The following ASB18 variants were observed in gnomAD, a reference collection of about 807,000 sequenced individuals.
The protein encoded by ASB18 is ankyrin repeat and SOCS box containing 18.
Under a neutral mutation model 33.4 loss-of-function variants are expected in ASB18, and 33 were observed. That is an observed-to-expected ratio of 0.99 (90% CI 0.75 to 1.32). ASB18 has a LOEUF of 1.32. Among genes scored for constraint, ASB18 ranks in the 40% most tolerant of loss-of-function variants. The pLI, the probability that ASB18 is intolerant of heterozygous loss-of-function variation, is 0.00. For missense variants in ASB18, 694 were observed against 655.5 expected (o/e 1.06, Z -0.64); for synonymous variants, 295 against 307.6 (o/e 0.96, Z 0.43).
chr2:236,229,505 C>A lies in ASB18; in HGVS notation c.596+8184G>T, dbSNP rs1439649850. Among the ~76,000 whole-genome samples, 1 of 152,000 alleles carries A rather than the reference C, an allele frequency of 6.6e-6. No individual in the cohort carries two copies. On this transcript the variant is annotated intron_variant, in intron 3 of 5. Coordinates refer to ENST00000409749, the MANE Select transcript of ASB18 (RefSeq NM_212556.4). The surrounding 1 kb of genome is among the most constrained non-coding windows in gnomAD (Gnocchi z 5.2). ...CCAAATTGGATGAAAAGCATATAAA[C>A]CCACAGATCCAAGATACTCAATGAA...
At position 236,263,219 on chromosome 2, in the gene ASB18, C is replaced by T; in HGVS notation, c.205+922G>A. On this transcript the variant is annotated intron_variant, in intron 1 of 5. Coordinates refer to ENST00000409749, the MANE Select transcript of ASB18 (RefSeq NM_212556.4). The surrounding 1 kb of genome is among the most constrained non-coding windows in gnomAD (Gnocchi z 4.0). Reference sequence around the variant, plus strand: ...AGGAAACCTAACAAAGGGATGATGTCTATGTTACGTGAAGAAGTCCTACAA... The same window carrying T: ...AGGAAACCTAACAAAGGGATGATGTTTATGTTACGTGAAGAAGTCCTACAA... Among the ~76,000 whole-genome samples the T allele has an allele frequency of 6.6e-6, 1 of 152,166 alleles. No homozygotes were observed. The highest frequency in any genetic ancestry group is 1.9e-4 in the East Asian group (1 of 5,184).
rs1350596663 is a variant in ASB18, at chr2:236,245,380, T to G, written c.206-3978A>C. ...ACAGATTCAGTTACCTTTCTCAAGA[T>G]TTCTGAATCCTGACATAGCCAGTGC... On this transcript the variant is annotated intron_variant, in intron 1 of 5. Coordinates refer to ENST00000409749, the MANE Select transcript of ASB18 (RefSeq NM_212556.4). The surrounding 1 kb of genome is among the most constrained non-coding windows in gnomAD (Gnocchi z 4.7). 1.3e-5 allele frequency among the ~76,000 whole-genome samples: 2 copies of G among 152,204 alleles called. No individual in the cohort carries two copies. The highest frequency in any genetic ancestry group is 4.1e-4 in the South Asian group (2 of 4,838).
At position 236,209,681 on chromosome 2, in the gene ASB18, C is replaced by G. The variant is rs540901204; in HGVS notation, c.1101+4681G>C. Among the ~76,000 whole-genome samples, 1 of 152,242 alleles carries G rather than the reference C, an allele frequency of 6.6e-6. No homozygotes were observed. The highest frequency in any genetic ancestry group is 1.5e-5 in the Non-Finnish European group (1 of 68,040). On this transcript the variant is annotated intron_variant, in intron 4 of 5. Coordinates refer to ENST00000409749, the MANE Select transcript of ASB18 (RefSeq NM_212556.4). This position sits in a 1 kb window ranked among gnomAD's most constrained non-coding sequence, Gnocchi z 4.4. ...AGCCCCCTACCTGGTGTGTTCTCTA[C>G]GTCGAGCTTAGAAATTCCAAAATAC...
In ASB18 at chr2:236,262,642, T is replaced by A. The variant is rs928110034; in HGVS notation, c.205+1499A>T. 1.3e-5 allele frequency among the ~76,000 whole-genome samples: 2 copies of A among 152,126 alleles called. No individual in the cohort carries two copies. The highest frequency in any genetic ancestry group is 1.3e-4 in the Admixed American group (2 of 15,272). On this transcript the variant is annotated intron_variant, in intron 1 of 5. Coordinates refer to ENST00000409749, the MANE Select transcript of ASB18 (RefSeq NM_212556.4). The surrounding 1 kb of genome is among the most constrained non-coding windows in gnomAD (Gnocchi z 5.2). Reference sequence around the variant, plus strand: ...GTGGGCCTAAAGGGTGAATGCAAGATGTACAGCTCAGCACTCCCAGTCCAA... The same window carrying A: ...GTGGGCCTAAAGGGTGAATGCAAGAAGTACAGCTCAGCACTCCCAGTCCAA...
chr2:236,264,091 A>G lies in ASB18; in HGVS notation c.205+50T>C, dbSNP rs2060734226. On this transcript the variant is annotated intron_variant, in intron 1 of 5. Transcript: ENST00000409749. The surrounding 1 kb of genome is among the most constrained non-coding windows in gnomAD (Gnocchi z 5.1). ...ACCTCCAGGATCTGCCCACCCCATC[A>G]GTGTAACTTAGTAATTAAATCCCAG... is the stretch of plus-strand genomic sequence containing the variant. 1 of 1,531,894 alleles carries G rather than the reference A, an allele frequency of 6.5e-7. No individual in the cohort carries two copies. The highest frequency in any genetic ancestry group is 9.0e-7 in the Non-Finnish European group (1 of 1,112,680). 94.9% of individuals were successfully genotyped at this position (1,531,894 alleles called of 1,614,324 possible).
rs2060516398 is a variant in ASB18, at chr2:236,222,259, A to G, written c.597-7393T>C. 6.6e-6 allele frequency among the ~76,000 whole-genome samples: 1 copy of G among 152,160 alleles called. No individual in the cohort carries two copies. Among genetic ancestry groups the G allele is most frequent in the Non-Finnish European group, 1.5e-5 (1 of 68,030 alleles). On this transcript the variant is annotated intron_variant, in intron 3 of 5. Coordinates refer to ENST00000409749, the MANE Select transcript of ASB18 (RefSeq NM_212556.4). This position sits in a 1 kb window ranked among gnomAD's most constrained non-coding sequence, Gnocchi z 5.5. ...TCCCGGGATGCTAAGCTATGAGACT[A>G]TCAGACATAAATGTTTACAATTGAA...
Position 236,226,166 on chromosome 2 carries a change from T to C in ASB18, c.597-11300A>G, listed in dbSNP as rs2060536586. ...AAACCTCAGGCCCTTTCGACATCTATTAACTTTTTATCCTTCAAGGTAGTT... is the reference window on the plus strand; with the variant it reads ...AAACCTCAGGCCCTTTCGACATCTACTAACTTTTTATCCTTCAAGGTAGTT... On this transcript the variant is annotated intron_variant, in intron 3 of 5. Coordinates refer to ENST00000409749, the MANE Select transcript of ASB18 (RefSeq NM_212556.4). This position sits in a 1 kb window ranked among gnomAD's most constrained non-coding sequence, Gnocchi z 4.8. Among the ~76,000 whole-genome samples, 1 of 152,196 alleles carries C rather than the reference T, an allele frequency of 6.6e-6. No individual in the cohort carries two copies. The highest frequency in any genetic ancestry group is 1.5e-5 in the Non-Finnish European group (1 of 68,038).
chr2:236,222,362 C>T lies in ASB18; in HGVS notation c.597-7496G>A, dbSNP rs572552675. Among the ~76,000 whole-genome samples the T allele has an allele frequency of 1.3e-5, 2 of 152,322 alleles. No individual in the cohort carries two copies. The highest frequency in any genetic ancestry group is 4.1e-4 in the South Asian group (2 of 4,824). The stretch of plus-strand genomic sequence containing the variant: ...GAAACTGGTTGGCCATTTCTATCAT[C>T]ACGGTTTCCCTTGGAGCAATGGCTG... On this transcript the variant is annotated intron_variant, in intron 3 of 5. Coordinates refer to ENST00000409749, the MANE Select transcript of ASB18 (RefSeq NM_212556.4). The surrounding 1 kb of genome is among the most constrained non-coding windows in gnomAD (Gnocchi z 5.5).
rs767807430 is a variant in ASB18 at position 236,222,136 on chromosome 2, C to G, written c.597-7270G>C. ...CAGCTCCACGACTTTGATGGAGGAG[C>G]GGTTCCACTTTATTTCCCTGGACCT... On this transcript the variant is annotated intron_variant, in intron 3 of 5. Transcript: ENST00000409749. This position sits in a 1 kb window ranked among gnomAD's most constrained non-coding sequence, Gnocchi z 5.5. Among the ~76,000 whole-genome samples, 1 of 152,188 alleles carries G rather than the reference C, an allele frequency of 6.6e-6. No homozygotes were observed. The highest frequency in any genetic ancestry group is 1.5e-5 in the Non-Finnish European group (1 of 68,034).
rs139016843 is a variant in ASB18 at position 236,243,794 on chromosome 2, G to T, written c.206-2392C>A. ...ATTTTATTGTCAAAAAATTAAATAA[G>T]CTCATTTTTTTCTTGTAACATAAAT... On this transcript the variant is annotated intron_variant, in intron 1 of 5. Transcript: ENST00000409749. Among the ~76,000 whole-genome samples the T allele has an allele frequency of 1.7e-3, 263 of 152,162 alleles. 1 individual carries two copies. The highest frequency in any genetic ancestry group is 6.2e-3 in the African/African-American group (257 of 41,522).
At chr2:236,224,185 G>GTTTTTTTTT (rs1161648778) in intron 3 of ASB18, among the ~76,000 whole-genome samples, 1 of 66,772 alleles carries the variant, frequency 1.5e-5, no homozygotes, top group Non-Finnish European at 2.5e-5. Flanking sequence ...GTGTTGTCAG[G>GTTTTTTTTT]TTTTTTTTTT....
intron 4 of ASB18, among the ~76,000 whole-genome samples, chr2:236,207,419 A>G (rs191899527): frequency 3.6e-4 from 55 of 152,368 alleles, no homozygotes; most frequent in Admixed American, 3.3e-3. Flanking sequence ...TACTCCATAG[A>G]GGATGGCACA....
Position 236,213,249 on chromosome 2 carries a change from G to T in ASB18, c.1101+1113C>A, listed in dbSNP as rs1348592360. On this transcript the variant is annotated intron_variant, in intron 4 of 5. Coordinates refer to ENST00000409749, the MANE Select transcript of ASB18 (RefSeq NM_212556.4). This position sits in a 1 kb window ranked among gnomAD's most constrained non-coding sequence, Gnocchi z 4.8. ...GAAAGTGCCATCCTGTTTGTCAAGT[G>T]AGCAAACACTAGGGGAGTTGTCTCG... Among the ~76,000 whole-genome samples, 4 of 151,876 alleles carry T rather than the reference G, an allele frequency of 2.6e-5. No homozygotes were observed. The highest frequency in any genetic ancestry group is 9.7e-5 in the African/African-American group (4 of 41,354).
chr2:236,240,842 T>C (rs947030459), intron 2 of ASB18, among the ~76,000 whole-genome samples: 2 of 152,230 alleles, frequency 1.3e-5, no homozygotes, highest in Non-Finnish European at 2.9e-5. Context: ...CCTCTACTGA[T>C]GCTGGCTGTG....
Position 236,235,519 on chromosome 2 carries a change from G to A in ASB18, c.596+2170C>T, listed in dbSNP as rs752518390. ...AGTTCATGAAACAATGCTCAACATCGCTAGTTACCAGGGAAATGAAAATCA... is the reference window on the plus strand; with the variant it reads ...AGTTCATGAAACAATGCTCAACATCACTAGTTACCAGGGAAATGAAAATCA... On this transcript the variant is annotated intron_variant, in intron 3 of 5. Transcript: ENST00000409749. This position sits in a 1 kb window ranked among gnomAD's most constrained non-coding sequence, Gnocchi z 6.2. 3.7e-4 allele frequency among the ~76,000 whole-genome samples: 57 copies of A among 152,186 alleles called. No individual in the cohort carries two copies. Among genetic ancestry groups the A allele is most frequent in the African/African-American group, 9.7e-5 (4 of 41,450 alleles).
Position 236,219,166 on chromosome 2 carries a change from G to A in ASB18, c.597-4300C>T, listed in dbSNP as rs141016158. On this transcript the variant is annotated intron_variant, in intron 3 of 5. Coordinates refer to ENST00000409749, the MANE Select transcript of ASB18 (RefSeq NM_212556.4). This position sits in a 1 kb window ranked among gnomAD's most constrained non-coding sequence, Gnocchi z 6.4. ...GTTGAGATTACAGGCATGAGCCACC[G>A]TGCCCTGCCAAAAAACCTAGAAATT... Among the ~76,000 whole-genome samples, 16 of 152,144 alleles carry A rather than the reference G, an allele frequency of 1.1e-4. No individual in the cohort carries two copies. Among genetic ancestry groups the A allele is most frequent in the East Asian group, 5.8e-4 (3 of 5,170 alleles).
chr2:236,254,225 C>T (rs922160813), intron 1 of ASB18: 5 of 152,198 alleles, frequency 3.3e-5, no homozygotes, highest in Admixed American at 2.6e-4. Context: ...TGCCAGCTTG[C>T]TGTAGGCAGT....
intron 1 of ASB18, among the ~76,000 whole-genome samples, chr2:236,254,963 G>A (rs968622120): frequency 1.3e-5 from 2 of 152,030 alleles, no homozygotes; most frequent in South Asian, 2.1e-4. Context: ...TTGTTTAAAA[G>A]TGTGTAGCAC....
In ASB18 at chr2:236,234,614, G is replaced by T. The variant is rs896505616; in HGVS notation, c.596+3075C>A. 6.6e-6 allele frequency among the ~76,000 whole-genome samples: 1 copy of T among 152,142 alleles called. No individual in the cohort carries two copies. The highest frequency in any genetic ancestry group is 1.5e-5 in the Non-Finnish European group (1 of 68,038). ...CAAGAGAGCTCAGAAATAAACTCAC[G>T]CATATATAGTCCATTCATTTTTGAC... On this transcript the variant is annotated intron_variant, in intron 3 of 5. Coordinates refer to ENST00000409749, the MANE Select transcript of ASB18 (RefSeq NM_212556.4). The surrounding 1 kb of genome is among the most constrained non-coding windows in gnomAD (Gnocchi z 4.1).
Sources: gnomAD v4.1 joint callset for allele counts (sites outside exome capture counted in the v4.1 genomes callset) on GRCh38, gnomAD v4.1.1 for gene constraint, Gnocchi (gnomAD v3.1) non-coding constraint, MANE v1.5 for transcripts, NCBI Gene and HGNC (gene_info 2026-07-23, HGNC 2026-07-21) for gene names.